The following MRRF variants were observed in gnomAD, a reference collection of about 807,000 sequenced individuals.
The protein encoded by MRRF is ribosome-recycling factor, mitochondrial.
Under a neutral mutation model 25.1 loss-of-function variants are expected in MRRF, and 18 were observed. The observed-to-expected ratio is 0.72, with a 90% confidence interval of 0.50 to 1.06. The LOEUF (loss-of-function observed/expected upper bound fraction) is 1.06, where lower values mean the gene tolerates loss of function less well. Ranked by LOEUF, MRRF falls within the 50% of genes least tolerant of loss-of-function variation. The probability of loss-of-function intolerance (pLI) is 0.00; values close to 1 mark genes in which losing one functional copy is unlikely to be tolerated. For synonymous variants in MRRF, 113 were observed against 112.1 expected (o/e 1.01, Z -0.05); for missense variants, 323 against 319.3 (o/e 1.01, Z -0.09).
chr9:122,301,275 C>G (rs16911611), intron 5 of MRRF, among the ~76,000 whole-genome samples: 2,901 of 152,288 alleles, frequency 0.019, 70 homozygotes, highest in African/African-American at 0.067. Flanking sequence ...CGAATGATAA[C>G]CAGGTTTTTC....
At chr9:122,310,274 C>T (rs1215515145) in intron 5 of MRRF, among the ~76,000 whole-genome samples, 3 of 152,188 alleles carry the variant, frequency 2.0e-5, no homozygotes, top group South Asian at 2.1e-4. Flanking sequence ...GCCCACCGCT[C>T]CTCCTCATCA....
At chr9:122,288,327 T>C (rs1448482951) in intron 4 of MRRF, among the ~76,000 whole-genome samples, 1 of 152,236 alleles carries the variant, frequency 6.6e-6, no homozygotes, top group Non-Finnish European at 1.5e-5. Context: ...GTATTGATTG[T>C]CTGCTTTGTT....
chr9:122,274,925 G>A (rs1198019755), intron 2 of MRRF, among the ~76,000 whole-genome samples: 3 of 151,566 alleles, frequency 2.0e-5, no homozygotes, highest in African/African-American at 7.3e-5. Context: ...CTGTGTACTT[G>A]TTCTGTTTCT....
Position 122,328,520 on chromosome 9 carries a change from C to G in MRRF, c.*5903C>G, listed in dbSNP as rs1321953048. ...GTTTATTTCACTGAAGCATGATGTC[C>G]TTAAAGTATATCCATATTGTAGCAT... On this transcript the variant is annotated 3_prime_UTR_variant, in exon 7 of 7. Transcript: ENST00000344641. 2 of 152,214 alleles carry G rather than the reference C, an allele frequency of 1.3e-5. No homozygotes were observed. The highest frequency in any genetic ancestry group is 3.9e-4 in the East Asian group (2 of 5,182). The allele number at this position is 152,214 out of a possible 1,614,324, so 9.4% of individuals were successfully genotyped here. A position where few individuals can be genotyped will look rare whatever the true frequency, so the allele number is the denominator to read the frequency against.
rs143626407 is a variant in MRRF, at chr9:122,288,970, G to A, written c.460-2779G>A. Reference sequence around the variant, plus strand: ...AACCTGTTTGCCCTGTGATACTGTCGAGCATCCTTTCCGTGAAGGGATGAT... The same window carrying A: ...AACCTGTTTGCCCTGTGATACTGTCAAGCATCCTTTCCGTGAAGGGATGAT... On this transcript the variant is annotated intron_variant, in intron 4 of 6. Transcript: ENST00000344641. 1.4e-3 allele frequency among the ~76,000 whole-genome samples: 214 copies of A among 152,170 alleles called. 1 individual carries two copies. The highest frequency in any genetic ancestry group is 4.6e-3 in the South Asian group (22 of 4,804).
At chr9:122,319,874 ATTTTTTTTTTTT>A (rs975991164) in intron 6 of MRRF, among the ~76,000 whole-genome samples, 2 of 129,990 alleles carry the variant, frequency 1.5e-5, no homozygotes, top group Non-Finnish European at 3.3e-5. Flanking sequence ...ATTTTCATTA[ATTTTTTTTTTTT>A]TTTTTTTTTT....
At chr9:122,278,081 A>G (rs142344091) in intron 2 of MRRF, among the ~76,000 whole-genome samples, 1 of 152,012 alleles carries the variant, frequency 6.6e-6, no homozygotes, top group African/African-American at 2.4e-5. Flanking sequence ...GTGTTGAAAT[A>G]TTCCTTTTTT....
At chr9:122,292,187 T>C (rs1409855055) in intron 5 of MRRF, among the ~76,000 whole-genome samples, 1 of 152,132 alleles carries the variant, frequency 6.6e-6, no homozygotes, top group Non-Finnish European at 1.5e-5. Flanking sequence ...TTGGTAAGGA[T>C]GATGGTGGCA....
intron 1 of MRRF, chr9:122,265,536 T>C: frequency 2.9e-6 from 1 of 343,650 alleles, no homozygotes; most frequent in South Asian, 2.2e-5. Flanking sequence ...AGACTCGGAG[T>C]TTTCTCTAAG....
intron 2 of MRRF, among the ~76,000 whole-genome samples, chr9:122,279,336 T>TG (rs1832960446): frequency 6.6e-6 from 1 of 152,222 alleles, no homozygotes; most frequent in Non-Finnish European, 1.5e-5. Context: ...ATCTGTACCA[T>TG]GGGGACAATA....
At position 122,329,952 on chromosome 9, in the gene MRRF, G is replaced by A. The variant is rs777395771; in HGVS notation, c.*7335G>A. On this transcript the variant is annotated 3_prime_UTR_variant, in exon 7 of 7. Coordinates refer to ENST00000344641, the MANE Select transcript of MRRF (RefSeq NM_138777.5). ...CCTGCCAGGCCTTGATACAAATGGC[G>A]TCACATTTACATGAATAACCCAGAG... The A allele has an allele frequency of 6.6e-6, 1 of 152,196 alleles. No homozygotes were observed. Among genetic ancestry groups the A allele is most frequent in the African/African-American group, 2.4e-5 (1 of 41,450 alleles). The allele number at this position is 152,196 out of a possible 1,614,324, so 9.4% of individuals were successfully genotyped here.
At position 122,291,004 on chromosome 9, in the gene MRRF, C is replaced by T. The variant is rs1833723323; in HGVS notation, c.460-745C>T. ...TATATAATATGTTCATATAACTGCC[C>T]TTGCCTGAGTATTACTATGTCCCAG... On this transcript the variant is annotated intron_variant, in intron 4 of 6. Transcript: ENST00000344641. 2.0e-5 allele frequency among the ~76,000 whole-genome samples: 3 copies of T among 152,176 alleles called. No individual in the cohort carries two copies. The South Asian group carries it at 6.2e-4, about 31-fold the overall frequency.
chr9:122,314,932 A>C (rs952967563), intron 6 of MRRF, among the ~76,000 whole-genome samples: 1 of 152,196 alleles, frequency 6.6e-6, no homozygotes, highest in African/African-American at 2.4e-5. Flanking sequence ...TTGAACAGGC[A>C]TGTGGGCTGG....
chr9:122,301,778 G>C (rs1834481217), intron 5 of MRRF, among the ~76,000 whole-genome samples: 1 of 151,332 alleles, frequency 6.6e-6, no homozygotes, highest in Non-Finnish European at 1.5e-5. Flanking sequence ...CTGTTGCCCA[G>C]GCTGGAGTGC....
rs1835313497 is a variant in MRRF at position 122,313,312 on chromosome 9, A to G, written c.637A>G (p.Thr213Ala). The part of the protein sequence containing the change: ...KAKDSLRKVR[T>A]NSMNKLKKSK... The stretch of plus-strand genomic sequence containing the variant: ...CAAAGACTCTTTACGGAAGGTTCGC[A>G]CCAACTCAATGAACAAGCTGAAGAA... The change falls in exon 6 of 7, where the codon ACC (threonine) becomes GCC (alanine). Residue 213 changes from threonine to alanine, a missense_variant. Transcript: ENST00000344641. The G allele has an allele frequency of 1.2e-6, 2 of 1,614,028 alleles. No homozygotes were observed. The highest frequency in any genetic ancestry group is 1.3e-5 in the African/African-American group (1 of 74,944).
chr9:122,306,332 A>G (rs1218090681), intron 5 of MRRF, among the ~76,000 whole-genome samples: 1 of 152,230 alleles, frequency 6.6e-6, no homozygotes, highest in Non-Finnish European at 1.5e-5. Flanking sequence ...CATCCCATGT[A>G]CCAGCACATT....
chr9:122,308,007 G>A lies in MRRF; in HGVS notation c.552-5220G>A, dbSNP rs115058640. 5.2e-3 allele frequency among the ~76,000 whole-genome samples: 791 copies of A among 152,304 alleles called. 4 individuals are homozygous for A. Among genetic ancestry groups the A allele is most frequent in the African/African-American group, 0.019 (769 of 41,550 alleles). On this transcript the variant is annotated intron_variant, in intron 5 of 6. Coordinates refer to ENST00000344641, the MANE Select transcript of MRRF (RefSeq NM_138777.5). ...GGATTCTCTGTTGTGTGAGTTAGCAGTGGGGCATGCCCTCTGCTTATTGTT... is the reference window on the plus strand; with the variant it reads ...GGATTCTCTGTTGTGTGAGTTAGCAATGGGGCATGCCCTCTGCTTATTGTT...
chr9:122,317,028 T>G (rs112782427), intron 6 of MRRF, among the ~76,000 whole-genome samples: 1 of 151,150 alleles, frequency 6.6e-6, no homozygotes, highest in Admixed American at 6.6e-5. Flanking sequence ...TTTTGGACAT[T>G]TTAGTTTGTT....
chr9:122,271,613 G>A (rs1293824304), intron 2 of MRRF, among the ~76,000 whole-genome samples: 1 of 152,200 alleles, frequency 6.6e-6, no homozygotes, highest in Non-Finnish European at 1.5e-5. Context: ...CCTGTTGCCT[G>A]CACTCGTGCA....
Sources: gnomAD v4.1 joint callset for allele counts (sites outside exome capture counted in the v4.1 genomes callset) on GRCh38, gnomAD v4.1.1 for gene constraint, MANE v1.5 for transcripts, NCBI Gene and HGNC (gene_info 2026-07-23, HGNC 2026-07-21) for gene names.